CTDSPL2: variants seen among roughly 807,000 people sequenced by gnomAD.
The protein encoded by CTDSPL2 is CTD small phosphatase like 2.
In CTDSPL2, 5 loss-of-function variants were observed where a neutral mutation model predicts 60.0. The observed-to-expected ratio is 0.08, with a 90% CI of 0.04 to 0.18. The LOEUF (loss-of-function observed/expected upper bound fraction) is 0.18. Ranked by LOEUF, CTDSPL2 falls within the 10% of genes least tolerant of loss-of-function variation. The pLI is 1.00. For synonymous variants in CTDSPL2, 186 were observed against 189.3 expected (o/e 0.98, Z 0.14); for missense variants, 370 against 548.8 (o/e 0.67, Z 3.26).
chr15:44,439,694 A>C (rs986269979), intron 1 of CTDSPL2, among the ~76,000 whole-genome samples: 3 of 152,166 alleles, frequency 2.0e-5, no homozygotes, highest in Non-Finnish European at 4.4e-5. Flanking sequence ...TGGAACGCTA[A>C]AGAACTGAAA....
At chr15:44,429,007 A>G (rs1404042138) in intron 1 of CTDSPL2, among the ~76,000 whole-genome samples, 1 of 152,142 alleles carries the variant, frequency 6.6e-6, no homozygotes, top group Non-Finnish European at 1.5e-5. Flanking sequence ...GTTTTCACTA[A>G]TCAAATTAAA....
chr15:44,435,256 C>CAAAAA (rs35787192), intron 1 of CTDSPL2, among the ~76,000 whole-genome samples: 1 of 46,048 alleles, frequency 2.2e-5, no homozygotes, highest in Admixed American at 2.3e-4. Flanking sequence ...GACTCCGTCT[C>CAAAAA]AAAAAAAAAA....
At chr15:44,458,079 A>G (rs917867509) in intron 1 of CTDSPL2, among the ~76,000 whole-genome samples, 4 of 152,216 alleles carry the variant, frequency 2.6e-5, no homozygotes, top group Admixed American at 1.3e-4. Context: ...CACTATGGTG[A>G]ATAGCTTTAT....
intron 8 of CTDSPL2, among the ~76,000 whole-genome samples, chr15:44,507,938 ATTG>A (rs1236708717): frequency 2.0e-5 from 3 of 152,196 alleles, no homozygotes; most frequent in Admixed American, 6.5e-5. Flanking sequence ...TGATGTAGAT[ATTG>A]TTGTTATATC....
At chr15:44,435,928 C>T (rs1476841460) in intron 1 of CTDSPL2, among the ~76,000 whole-genome samples, 1 of 152,078 alleles carries the variant, frequency 6.6e-6, no homozygotes, top group Non-Finnish European at 1.5e-5. Context: ...TTATATAATG[C>T]TCCTATACTT....
At chr15:44,519,094 G>A (rs1014821156) in intron 10 of CTDSPL2, 75 bp from the exon 11 acceptor site, 49 of 936,470 alleles carry the variant, frequency 5.2e-5, no homozygotes, top group Non-Finnish European at 6.5e-5. Context: ...AAAGCCTATG[G>A]TGTATATATA....
intron 12 of CTDSPL2, among the ~76,000 whole-genome samples, chr15:44,522,864 A>T (rs531273851): frequency 2.6e-5 from 4 of 152,322 alleles, no homozygotes; most frequent in African/African-American, 9.6e-5. Flanking sequence ...TTCTATTTCT[A>T]TATCACATGG....
At chr15:44,482,633 G>A (rs142646215) in intron 2 of CTDSPL2, among the ~76,000 whole-genome samples, 1 of 152,256 alleles carries the variant, frequency 6.6e-6, no homozygotes, top group East Asian at 1.9e-4. Context: ...TAAAATACAG[G>A]AGAATAGTAC....
chr15:44,446,555 G>C (rs2080218558), intron 1 of CTDSPL2, among the ~76,000 whole-genome samples: 1 of 151,954 alleles, frequency 6.6e-6, no homozygotes, highest in Non-Finnish European at 1.5e-5. Flanking sequence ...GCTTAAACCT[G>C]GGAGGTAGAG....
chr15:44,470,182 G>A (rs1211954530), intron 2 of CTDSPL2, among the ~76,000 whole-genome samples: 2 of 151,214 alleles, frequency 1.3e-5, no homozygotes, highest in Non-Finnish European at 2.9e-5. Flanking sequence ...GTTATTAAGA[G>A]AGGGATGTTA....
intron 8 of CTDSPL2, among the ~76,000 whole-genome samples, chr15:44,510,435 C>A (rs1484943381): frequency 6.6e-6 from 1 of 151,992 alleles, no homozygotes. Context: ...CTTATTATGG[C>A]TTTAGGCATT....
At chr15:44,492,841 G>A (rs1313300071) in intron 5 of CTDSPL2, among the ~76,000 whole-genome samples, 2 of 152,108 alleles carry the variant, frequency 1.3e-5, no homozygotes, top group Non-Finnish European at 2.9e-5. Context: ...ATCATTTTAT[G>A]CTTATTACTT....
intron 1 of CTDSPL2, among the ~76,000 whole-genome samples, chr15:44,447,423 T>TGA (rs1380942875): frequency 1.3e-5 from 2 of 152,156 alleles, no homozygotes; most frequent in African/African-American, 2.4e-5. Context: ...ATGCAAACGT[T>TGA]CAAATAGAAC....
At chr15:44,448,169 C>A in intron 1 of CTDSPL2, 1 of 262,144 alleles carries the variant, frequency 3.8e-6, no homozygotes, top group South Asian at 3.8e-5. Context: ...ATGGTTTGGT[C>A]CACATGGTCA....
At chr15:44,511,448 C>T (rs1016724453) in intron 8 of CTDSPL2, among the ~76,000 whole-genome samples, 2 of 152,210 alleles carry the variant, frequency 1.3e-5, no homozygotes, top group African/African-American at 4.8e-5. Context: ...GTTAACTAGA[C>T]ATATTCTTGT....
intron 5 of CTDSPL2, among the ~76,000 whole-genome samples, chr15:44,492,297 C>G (rs1489561215): frequency 6.6e-6 from 1 of 152,142 alleles, no homozygotes; most frequent in Non-Finnish European, 1.5e-5. Flanking sequence ...GACTGAGCCA[C>G]TGCAATCCAG....
intron 12 of CTDSPL2, among the ~76,000 whole-genome samples, chr15:44,522,766 A>G (rs1037264535): frequency 1.3e-5 from 2 of 152,096 alleles, no homozygotes; most frequent in African/African-American, 4.8e-5. Context: ...ACAAAACAAA[A>G]CAAACAAACA....
intron 1 of CTDSPL2, among the ~76,000 whole-genome samples, chr15:44,442,155 A>G (rs2141282629): frequency 6.6e-6 from 1 of 152,256 alleles, no homozygotes; most frequent in South Asian, 2.1e-4. Flanking sequence ...CTAGGGGGAA[A>G]AAACATATAT....
chr15:44,502,937 G>T (rs1452836479), intron 8 of CTDSPL2, among the ~76,000 whole-genome samples: 1 of 152,092 alleles, frequency 6.6e-6, no homozygotes, highest in Non-Finnish European at 1.5e-5. Flanking sequence ...CTTGGTTAAT[G>T]CAAGTCTTAG....
Sources: allele counts gnomAD v4.1 joint callset (sites outside exome capture counted in the v4.1 genomes callset), GRCh38; gene constraint gnomAD v4.1.1; transcripts MANE v1.5; gene names NCBI Gene and HGNC (gene_info 2026-07-23, HGNC 2026-07-21).